VPS13B: variants seen among roughly 807,000 people sequenced by gnomAD.
VPS13B encodes the protein intermembrane lipid transfer protein VPS13B.
A neutral mutation model predicts 426.4 loss-of-function variants in VPS13B; 285 were observed. The ratio of observed to expected loss-of-function variants is 0.67; its 90% confidence interval spans 0.61 to 0.74. The LOEUF is 0.74. Among genes scored for constraint, VPS13B ranks in the 30% least tolerant of loss-of-function variants. The probability of loss-of-function intolerance (pLI) is 0.00; values close to 1 mark genes in which losing one functional copy is unlikely to be tolerated. For synonymous variants in VPS13B, 1,676 were observed against 1,676.4 expected (o/e 1.00, Z 0.01); for missense variants, 4,537 against 4,782.6 (o/e 0.95, Z 1.51).
chr8:99,852,519 G>C (rs990776344), intron 55 of VPS13B, among the ~76,000 whole-genome samples: 1 of 152,182 alleles, frequency 6.6e-6, no homozygotes, highest in African/African-American at 2.4e-5. Flanking sequence ...GAGAAGACAG[G>C]AAAGAAAAGT....
intron 21 of VPS13B, among the ~76,000 whole-genome samples, chr8:99,400,924 G>T (rs945675154): frequency 6.6e-6 from 1 of 152,098 alleles, no homozygotes; most frequent in African/African-American, 2.4e-5. Flanking sequence ...CGTCCATCTC[G>T]GCCTCCCAAA....
chr8:99,811,636 A>T (rs1206649175), intron 44 of VPS13B, among the ~76,000 whole-genome samples: 1 of 152,158 alleles, frequency 6.6e-6, no homozygotes, highest in Non-Finnish European at 1.5e-5. Flanking sequence ...TAGAACATTT[A>T]TCAGTTACTG....
chr8:99,681,178 C>G (rs1831140909), intron 35 of VPS13B, among the ~76,000 whole-genome samples: 1 of 152,134 alleles, frequency 6.6e-6, no homozygotes, highest in Non-Finnish European at 1.5e-5. Flanking sequence ...CAACAATAAA[C>G]AGTGCTGTTT....
intron 21 of VPS13B, among the ~76,000 whole-genome samples, chr8:99,413,702 C>G (rs565823392): frequency 1.3e-5 from 2 of 152,140 alleles, no homozygotes; most frequent in Non-Finnish European, 2.9e-5. Flanking sequence ...AGTAGTCATT[C>G]AGGAGCAGGT....
chr8:99,455,292 G>A (rs1300502916), intron 23 of VPS13B, among the ~76,000 whole-genome samples: 1 of 152,156 alleles, frequency 6.6e-6, no homozygotes, highest in East Asian at 1.9e-4. Flanking sequence ...AAATACCTGA[G>A]ACTGGGTAAT....
chr8:99,583,805 G>C (rs573518820), intron 33 of VPS13B, among the ~76,000 whole-genome samples: 2 of 152,258 alleles, frequency 1.3e-5, no homozygotes, highest in African/African-American at 4.8e-5. Context: ...TGTGGGTAAA[G>C]GGGGGTTTGA....
At chr8:99,824,117 T>C in intron 51 of VPS13B, 139 bp downstream of exon 51, 1 of 1,110,540 alleles carries the variant, frequency 9.0e-7, no homozygotes, top group Admixed American at 2.1e-5. Flanking sequence ...TTTGTTGTAA[T>C]TAAAACCATG....
intron 15 of VPS13B, among the ~76,000 whole-genome samples, chr8:99,158,838 C>G (rs934987326): frequency 6.6e-6 from 1 of 152,138 alleles, no homozygotes; most frequent in Non-Finnish European, 1.5e-5. Flanking sequence ...GTTTTCATGC[C>G]TGTTAACATG....
chr8:99,421,465 G>A (rs777422203), intron 21 of VPS13B, among the ~76,000 whole-genome samples: 1 of 151,960 alleles, frequency 6.6e-6, no homozygotes, highest in African/African-American at 2.4e-5. Flanking sequence ...CATTGTATGG[G>A]GATTGAATAA....
intron 39 of VPS13B, among the ~76,000 whole-genome samples, chr8:99,737,498 G>A (rs1225624879): frequency 6.6e-6 from 1 of 151,898 alleles, no homozygotes; most frequent in Non-Finnish European, 1.5e-5. Flanking sequence ...ATCACCTCTT[G>A]TTTTCCATCC....
At chr8:99,651,789 C>T (rs745608259) in intron 34 of VPS13B, among the ~76,000 whole-genome samples, 36 of 152,028 alleles carry the variant, frequency 2.4e-4, no homozygotes, top group Non-Finnish European at 4.3e-4. Context: ...TTGTTTGGGG[C>T]TTTTTTGTTT....
At chr8:99,573,074 CAT>C (rs1340140524) in intron 31 of VPS13B, among the ~76,000 whole-genome samples, 3 of 152,104 alleles carry the variant, frequency 2.0e-5, no homozygotes, top group African/African-American at 4.8e-5. Flanking sequence ...CATTTTTTCA[CAT>C]GTTTTTTGGC....
intron 58 of VPS13B, among the ~76,000 whole-genome samples, chr8:99,863,544 C>T (rs1305390109): frequency 1.3e-5 from 2 of 152,100 alleles, no homozygotes; most frequent in African/African-American, 2.4e-5. Context: ...CCCCAACCCC[C>T]GACTCCCTTC....
rs533768108 is a variant in VPS13B, at chr8:99,687,145, C to T, written c.6047-12380C>T. 2.6e-5 allele frequency among the ~76,000 whole-genome samples: 4 copies of T among 152,114 alleles called. No individual in the cohort carries two copies. In the South Asian group the frequency reaches 8.3e-4, roughly 32 times the overall value. On this transcript the variant is annotated intron_variant, in intron 35 of 61. Coordinates refer to ENST00000357162, the MANE Select transcript of VPS13B (RefSeq NM_152564.5). ...TCCCTTCTGGCCCAAGGTGTGTCTA[C>T]AAATGTCATTTGGGAGCTAGGGACT...
chr8:99,806,404 A>G lies in VPS13B; in HGVS notation c.7942-2971A>G, dbSNP rs376200224. On this transcript the variant is annotated intron_variant, in intron 43 of 61. Coordinates refer to ENST00000357162, the MANE Select transcript of VPS13B (RefSeq NM_152564.5). Reference sequence around the variant, plus strand: ...AAACTCTGAGACCCAGCTGCTTCCCAATGTTTTCTTAATCACAGCAACCTG... The same window carrying G: ...AAACTCTGAGACCCAGCTGCTTCCCGATGTTTTCTTAATCACAGCAACCTG... 9.9e-5 allele frequency among the ~76,000 whole-genome samples: 15 copies of G among 152,184 alleles called. No individual in the cohort carries two copies. In the East Asian group the frequency reaches 2.5e-3, roughly 25 times the overall value.
At chr8:99,161,094 A>G (rs1485950482) in intron 15 of VPS13B, among the ~76,000 whole-genome samples, 1 of 152,226 alleles carries the variant, frequency 6.6e-6, no homozygotes, top group Non-Finnish European at 1.5e-5. Flanking sequence ...AAACCTAGAT[A>G]TAAAGATTAT....
At chr8:99,409,543 A>G (rs554933276) in intron 21 of VPS13B, among the ~76,000 whole-genome samples, 14 of 152,144 alleles carry the variant, frequency 9.2e-5, no homozygotes, top group East Asian at 1.9e-4. Context: ...GATTTTTTAA[A>G]TATTTGCAAT....
At chr8:99,340,003 G>T (rs1369543597) in intron 19 of VPS13B, among the ~76,000 whole-genome samples, 1 of 152,202 alleles carries the variant, frequency 6.6e-6, no homozygotes, top group Non-Finnish European at 1.5e-5. Context: ...CCTAACCTAT[G>T]TATACTTTCA....
chr8:99,029,502 G>C (rs1170392286), intron 2 of VPS13B, among the ~76,000 whole-genome samples: 1 of 152,104 alleles, frequency 6.6e-6, no homozygotes, highest in Non-Finnish European at 1.5e-5. Flanking sequence ...CTGAGTGAAC[G>C]AGACTCCGTC....
Sources: allele counts gnomAD v4.1 joint callset (sites outside exome capture counted in the v4.1 genomes callset), GRCh38; gene constraint gnomAD v4.1.1; transcripts MANE v1.5; gene names NCBI Gene and HGNC (gene_info 2026-07-23, HGNC 2026-07-21).